DNASE2B: variants seen among roughly 807,000 people sequenced by gnomAD.
The protein encoded by DNASE2B is deoxyribonuclease-2-beta.
In DNASE2B, 43 loss-of-function variants were observed where a neutral mutation model predicts 46.0. The observed-to-expected ratio is 0.94, with a 90% CI of 0.73 to 1.21. The LOEUF (loss-of-function observed/expected upper bound fraction) is 1.21. Among genes scored for constraint, DNASE2B ranks in the 50% most tolerant of loss-of-function variants. The pLI, the probability that DNASE2B is intolerant of heterozygous loss-of-function variation, is 0.00. For synonymous variants in DNASE2B, 156 were observed against 152.5 expected (o/e 1.02, Z -0.17); for missense variants, 395 against 414.4 (o/e 0.95, Z 0.41).
chr1:84,410,865 G>A lies in DNASE2B; in HGVS notation c.413G>A (p.Gly138Glu), dbSNP rs201348404. The change falls in exon 4 of 6, where the codon GGG (glycine) becomes GAG (glutamate). Residue 138 changes from glycine to glutamate, a missense_variant. Coordinates refer to ENST00000370665, the MANE Select transcript of DNASE2B (RefSeq NM_021233.3). ...KGLLLWNRVQ[G>E]FWLIHSIPQF... ...TTACTGCTGTGGAACAGAGTTCAAG[G>A]GTTCTGGCTGATTCATTCCATCCCT... 6.2e-7 allele frequency: 1 copy of A among 1,613,486 alleles called. No homozygotes were observed. Among genetic ancestry groups the A allele is most frequent in the East Asian group, 2.2e-5 (1 of 44,856 alleles).
In DNASE2B at chr1:84,404,075, G is replaced by C. The variant is rs1305370001; in HGVS notation, c.303+1997G>C. Among the ~76,000 whole-genome samples, 3 of 151,574 alleles carry C rather than the reference G, an allele frequency of 2.0e-5. No homozygotes were observed. The East Asian group carries it at 5.8e-4, about 29-fold the overall frequency. Reference sequence around the variant, plus strand: ...ACCCATATTGGCCTCTGAAGTGCTGGGATTATACACATGAGACACTGCACC... The same window carrying C: ...ACCCATATTGGCCTCTGAAGTGCTGCGATTATACACATGAGACACTGCACC... On this transcript the variant is annotated intron_variant, in intron 2 of 5. Coordinates refer to ENST00000370665, the MANE Select transcript of DNASE2B (RefSeq NM_021233.3).
chr1:84,414,384 C>T lies in DNASE2B; in HGVS notation c.746-144C>T. 6.1e-6 allele frequency: 4 copies of T among 659,942 alleles called. No individual in the cohort carries two copies. In the South Asian group the frequency reaches 7.1e-5, roughly 12 times the overall value. 40.9% of individuals were successfully genotyped at this position (659,942 alleles called of 1,614,324 possible). On this transcript the variant is annotated intron_variant, in intron 5 of 5. Transcript: ENST00000370665. ...AGCATTTACAAAATGTTTTCTCATC[C>T]ACTATCTCAATTATGTTGTTATTAT...
chr1:84,412,889 T>C (rs1187796261), intron 5 of DNASE2B, among the ~76,000 whole-genome samples: 2 of 151,926 alleles, frequency 1.3e-5, no homozygotes, highest in Non-Finnish European at 2.9e-5. Flanking sequence ...CCCTCACTCA[T>C]GGCTTCCTTT....
intron 5 of DNASE2B, among the ~76,000 whole-genome samples, chr1:84,413,103 G>A (rs946347874): frequency 1.3e-5 from 2 of 151,484 alleles, no homozygotes; most frequent in Non-Finnish European, 2.9e-5. Flanking sequence ...TGTTCTCTGT[G>A]TTCCATTTCA....
chr1:84,411,427 T>G (rs796666471), intron 4 of DNASE2B, among the ~76,000 whole-genome samples: 19 of 194 alleles, frequency 0.098, no homozygotes, highest in African/African-American at 0.12. Context: ...AAACCTAGGG[T>G]GTGTGTGTGT....
At position 84,414,779 on chromosome 1, in the gene DNASE2B, T is replaced by A; in HGVS notation, c.997T>A (p.Phe333Ile). 1 of 1,614,198 alleles carries A rather than the reference T, an allele frequency of 6.2e-7. No homozygotes were observed. The highest frequency in any genetic ancestry group is 1.1e-5 in the South Asian group (1 of 91,086). The change falls in exon 6 of 6, where the codon TTC becomes ATC. Residue 333 changes from phenylalanine to isoleucine, a missense_variant. Transcript: ENST00000370665. ...GDLNRSPHQA[F>I]RSGGFICTQN... ...CCTAAATCGGAGTCCACACCAAGCCTTCAGAAGTGGAGGATTCATTTGTAC... is the reference window on the plus strand; with the variant it reads ...CCTAAATCGGAGTCCACACCAAGCCATCAGAAGTGGAGGATTCATTTGTAC...
At chr1:84,413,706 C>T (rs1176192106) in intron 5 of DNASE2B, among the ~76,000 whole-genome samples, 1 of 152,184 alleles carries the variant, frequency 6.6e-6, no homozygotes, top group Non-Finnish European at 1.5e-5. Flanking sequence ...GTCTTGATCT[C>T]TACCCCAGAC....
At chr1:84,413,827 T>C (rs1680644453) in intron 5 of DNASE2B, among the ~76,000 whole-genome samples, 1 of 152,104 alleles carries the variant, frequency 6.6e-6, no homozygotes, top group Admixed American at 6.6e-5. Flanking sequence ...CCCCTACAAA[T>C]CTACTTTTTC....
intron 4 of DNASE2B, among the ~76,000 whole-genome samples, chr1:84,411,931 A>G (rs1430042384): frequency 1.3e-5 from 2 of 152,100 alleles, no homozygotes; most frequent in African/African-American, 4.8e-5. Flanking sequence ...TTGTATATGT[A>G]TATGTACATT....
At position 84,411,001 on chromosome 1, in the gene DNASE2B, T is replaced by C; in HGVS notation, c.547+2T>C. 1 of 1,596,076 alleles carries C rather than the reference T, an allele frequency of 6.3e-7. No individual in the cohort carries two copies. The highest frequency in any genetic ancestry group is 8.5e-7 in the Non-Finnish European group (1 of 1,173,240). On this transcript the variant is annotated splice_donor_variant, in intron 4 of 5. Transcript: ENST00000370665. LOFTEE classifies it high-confidence loss of function. Reference sequence around the variant, plus strand: ...AGTACAACCAGTATGAGGCAATAGGTAAAACTAAAGTATGTGAGAAAAAAA... The same window carrying C: ...AGTACAACCAGTATGAGGCAATAGGCAAAACTAAAGTATGTGAGAAAAAAA...
At chr1:84,401,348 C>T (rs1177832716) in intron 1 of DNASE2B, among the ~76,000 whole-genome samples, 1 of 152,128 alleles carries the variant, frequency 6.6e-6, no homozygotes, top group Non-Finnish European at 1.5e-5. Context: ...GGCTGAGCTA[C>T]CTCTCCTCCC....
rs144553614 is a variant in DNASE2B at position 84,400,654 on chromosome 1, C to T, written c.126-1247C>T. Reference sequence around the variant, plus strand: ...GGAAAAATGTTTAAAAGTACTAGCTCTCAACTGGTGTGCCACGGCACACTG... The same window carrying T: ...GGAAAAATGTTTAAAAGTACTAGCTTTCAACTGGTGTGCCACGGCACACTG... On this transcript the variant is annotated intron_variant, in intron 1 of 5. Coordinates refer to ENST00000370665, the MANE Select transcript of DNASE2B (RefSeq NM_021233.3). Among the ~76,000 whole-genome samples the T allele has an allele frequency of 5.7e-3, 875 of 152,336 alleles. 15 individuals carry two copies. Among genetic ancestry groups the T allele is most frequent in the African/African-American group, 0.019 (806 of 41,584 alleles).
chr1:84,402,492 T>C (rs77584120), intron 2 of DNASE2B, among the ~76,000 whole-genome samples: 44 of 151,186 alleles, frequency 2.9e-4, no homozygotes, highest in Non-Finnish European at 5.5e-4. Context: ...TGTTGATCAG[T>C]GGTGGTGAGC....
chr1:84,398,639 G>A lies in DNASE2B; in HGVS notation c.75G>A (p.Leu25=), dbSNP rs1680346413. The change falls in exon 1 of 6, where the codon CTG becomes CTA. Residue 25 remains leucine, a synonymous_variant. Coordinates refer to ENST00000370665, the MANE Select transcript of DNASE2B (RefSeq NM_021233.3). ...ALLFLGLFGV[L]GAATISCRNE... ...TCTTCCTTGGCCTCTTTGGGGTGCTGGGGGCAGCAACAATTTCATGCAGAA... is the reference window on the plus strand; with the variant it reads ...TCTTCCTTGGCCTCTTTGGGGTGCTAGGGGCAGCAACAATTTCATGCAGAA... The A allele has an allele frequency of 6.2e-7, 1 of 1,613,772 alleles. No individual in the cohort carries two copies. Among genetic ancestry groups the A allele is most frequent in the Non-Finnish European group, 8.5e-7 (1 of 1,179,744 alleles).
chr1:84,407,956 T>A (rs566252350), intron 2 of DNASE2B, among the ~76,000 whole-genome samples: 2 of 152,132 alleles, frequency 1.3e-5, no homozygotes, highest in African/African-American at 2.4e-5. Context: ...ACAACGCTAC[T>A]ACCCAGCAGT....
intron 2 of DNASE2B, among the ~76,000 whole-genome samples, chr1:84,405,860 A>C (rs540263418): frequency 6.6e-6 from 1 of 152,118 alleles, no homozygotes; most frequent in Non-Finnish European, 1.5e-5. Flanking sequence ...ATGTTTGTTT[A>C]TATTTCTTGA....
chr1:84,410,415 TTC>T (rs1680567966), intron 3 of DNASE2B, among the ~76,000 whole-genome samples: 1 of 152,236 alleles, frequency 6.6e-6, no homozygotes, highest in Non-Finnish European at 1.5e-5. Flanking sequence ...ATTTGATATT[TTC>T]TCTTTCAACT....
intron 3 of DNASE2B, among the ~76,000 whole-genome samples, chr1:84,409,889 G>A (rs1036791560): frequency 2.6e-5 from 4 of 152,148 alleles, no homozygotes; most frequent in Non-Finnish European, 5.9e-5. Context: ...GATAACTCTT[G>A]AAGGTTATCC....
rs751330635 is a variant in DNASE2B at position 84,398,632 on chromosome 1, G to A, written c.68G>A (p.Gly23Glu). 1.9e-6 allele frequency: 3 copies of A among 1,613,858 alleles called. No homozygotes were observed. The highest frequency in any genetic ancestry group is 2.2e-5 in the South Asian group (2 of 91,074). The change falls in exon 1 of 6, where the codon GGG (glycine) becomes GAG (glutamate). Residue 23 changes from glycine to glutamate, a missense_variant. Coordinates refer to ENST00000370665, the MANE Select transcript of DNASE2B (RefSeq NM_021233.3). ...SFALLFLGLFGVLGAATISCR... is the reference protein window; with the variant it reads ...SFALLFLGLFEVLGAATISCR... ...GCTTTGCTCTTCCTTGGCCTCTTTG[G>A]GGTGCTGGGGGCAGCAACAATTTCA...
Sources: gnomAD v4.1 joint callset for allele counts (sites outside exome capture counted in the v4.1 genomes callset) on GRCh38, gnomAD v4.1.1 for gene constraint, MANE v1.5 for transcripts, NCBI Gene and HGNC (gene_info 2026-07-23, HGNC 2026-07-21) for gene names.